The following RRAS2 variants were observed in gnomAD, a reference collection of about 807,000 sequenced individuals.
RRAS2 encodes the protein ras-related protein R-Ras2.
In RRAS2, 7 loss-of-function variants were observed where a neutral mutation model predicts 27.6. The observed-to-expected ratio is 0.25, with a 90% CI of 0.14 to 0.48. The LOEUF (loss-of-function observed/expected upper bound fraction) is 0.48, where lower values mean the gene tolerates loss of function less well. Ranked by LOEUF, RRAS2 falls within the 20% of genes least tolerant of loss-of-function variation. The pLI, the probability that RRAS2 is intolerant of heterozygous loss-of-function variation, is 0.99. For synonymous variants in RRAS2, 86 were observed against 90.9 expected, an observed-to-expected ratio of 0.95 and a Z score of 0.31; for missense variants, 178 against 256.2, an observed-to-expected ratio of 0.69 and a Z score of 2.08.
At chr11:14,281,771 T>C (rs1450433885) in intron 4 of RRAS2, 51 bp from the exon 5 acceptor site, 1 of 1,443,604 alleles carries the variant, frequency 6.9e-7, no homozygotes, top group African/African-American at 1.4e-5. Context: ...ACTGGATTTG[T>C]TCCATCTAAT....
chr11:14,328,181 A>G (rs1054548673), intron 1 of RRAS2, among the ~76,000 whole-genome samples: 6 of 152,100 alleles, frequency 3.9e-5, no homozygotes, highest in African/African-American at 1.4e-4. Context: ...CAGCCTGACC[A>G]ACATGGAGAA....
intron 4 of RRAS2, among the ~76,000 whole-genome samples, chr11:14,292,923 T>A (rs1312208653): frequency 1.3e-5 from 2 of 151,428 alleles, no homozygotes; most frequent in Non-Finnish European, 2.9e-5. Context: ...CTGGCTAACA[T>A]GGTGAAACCC....
chr11:14,311,325 C>G (rs527486370), intron 1 of RRAS2, among the ~76,000 whole-genome samples: 72 of 152,280 alleles, frequency 4.7e-4, no homozygotes, highest in African/African-American at 1.7e-3. Flanking sequence ...CCAGCTTGGG[C>G]AACAGAGCGA....
intron 1 of RRAS2, among the ~76,000 whole-genome samples, chr11:14,343,490 T>G (rs1036167455): frequency 3.9e-5 from 6 of 152,184 alleles, no homozygotes; most frequent in Non-Finnish European, 8.8e-5. Context: ...GCAGTGGTTA[T>G]CAGAAATTTT....
At chr11:14,340,159 C>T (rs1372252231) in intron 1 of RRAS2, among the ~76,000 whole-genome samples, 1 of 139,218 alleles carries the variant, frequency 7.2e-6, no homozygotes, top group African/African-American at 2.5e-5. Context: ...AGTGTAGTGG[C>T]GCGACCTCGG....
At chr11:14,290,261 A>T (rs1198485870) in intron 4 of RRAS2, among the ~76,000 whole-genome samples, 1 of 152,206 alleles carries the variant, frequency 6.6e-6, no homozygotes, top group Non-Finnish European at 1.5e-5. Flanking sequence ...CAGCCTGGCC[A>T]ACATGGTGAA....
chr11:14,355,992 A>C (rs1554955369), intron 1 of RRAS2, among the ~76,000 whole-genome samples: 1 of 152,234 alleles, frequency 6.6e-6, no homozygotes, highest in Non-Finnish European at 1.5e-5. Flanking sequence ...AAATGTATGC[A>C]GCTTTACTAC....
chr11:14,306,097 AC>A (rs1330204378), intron 1 of RRAS2, among the ~76,000 whole-genome samples: 2 of 149,822 alleles, frequency 1.3e-5, no homozygotes, highest in Non-Finnish European at 3.0e-5. Flanking sequence ...TACAACAGAC[AC>A]CCTACGGATG....
At chr11:14,298,114 C>T (rs1847604710) in intron 1 of RRAS2, among the ~76,000 whole-genome samples, 1 of 151,966 alleles carries the variant, frequency 6.6e-6, no homozygotes, top group South Asian at 2.1e-4. Flanking sequence ...TTTTAAACAA[C>T]AGGAATCAGC....
At chr11:14,341,565 TTTTA>T (rs1359231210) in intron 1 of RRAS2, among the ~76,000 whole-genome samples, 1 of 152,002 alleles carries the variant, frequency 6.6e-6, no homozygotes, top group African/African-American at 2.4e-5. Context: ...TGTACTCAAG[TTTTA>T]TTTGTTGTTT....
In RRAS2 at chr11:14,324,427, CAAAAAAAA is replaced by C. The variant is rs77185501; in HGVS notation, c.109-28580_109-28573del. ...AAATAATTAAGCTTTAAACAGAGGCCAAAAAAAAAAAAAAAAAGGAAAACGTATATGAG... is the reference window on the plus strand; with the variant it reads ...AAATAATTAAGCTTTAAACAGAGGCCAAAAAAAAAGGAAAACGTATATGAG... On this transcript the variant is annotated intron_variant, in intron 1 of 5. Coordinates refer to ENST00000256196, the MANE Select transcript of RRAS2 (RefSeq NM_012250.6). Among the ~76,000 whole-genome samples the C allele has an allele frequency of 4.3e-4, 39 of 90,534 alleles. No homozygotes were observed. In the East Asian group the frequency reaches 5.3e-3, roughly 12 times the overall value. 59.4% of individuals were successfully genotyped at this position (90,534 alleles called of 152,430 possible).
intron 1 of RRAS2, among the ~76,000 whole-genome samples, chr11:14,355,341 A>G (rs1345861505): frequency 6.6e-6 from 1 of 152,152 alleles, no homozygotes; most frequent in African/African-American, 2.4e-5. Context: ...ACCACTCTGT[A>G]CCATCCTGAA....
At chr11:14,344,036 G>A (rs1050650596) in intron 1 of RRAS2, among the ~76,000 whole-genome samples, 2 of 152,024 alleles carry the variant, frequency 1.3e-5, no homozygotes, top group Non-Finnish European at 2.9e-5. Flanking sequence ...CCAGTTACTG[G>A]AGAGGCTGAG....
intron 1 of RRAS2, among the ~76,000 whole-genome samples, chr11:14,312,017 A>G (rs1277843990): frequency 1.3e-5 from 2 of 152,026 alleles, no homozygotes; most frequent in Non-Finnish European, 2.9e-5. Context: ...GGCACCTGCC[A>G]CCACACCTGG....
chr11:14,323,383 G>A (rs1250990278), intron 1 of RRAS2, among the ~76,000 whole-genome samples: 1 of 152,036 alleles, frequency 6.6e-6, no homozygotes, highest in Non-Finnish European at 1.5e-5. Context: ...GCTTGAGCCT[G>A]GGAGGTGGAT....
At chr11:14,322,850 T>A (rs544923483) in intron 1 of RRAS2, among the ~76,000 whole-genome samples, 1 of 151,748 alleles carries the variant, frequency 6.6e-6, no homozygotes, top group Non-Finnish European at 1.5e-5. Flanking sequence ...ATCAATCCAA[T>A]CAAGACAAAT....
intron 1 of RRAS2, among the ~76,000 whole-genome samples, chr11:14,299,931 C>T (rs963373380): frequency 2.0e-5 from 3 of 152,204 alleles, no homozygotes; most frequent in Non-Finnish European, 4.4e-5. Flanking sequence ...CACTTATCAA[C>T]ACAGCCTCAG....
intron 1 of RRAS2, among the ~76,000 whole-genome samples, chr11:14,345,954 A>G (rs1450946352): frequency 6.6e-6 from 1 of 151,968 alleles, no homozygotes; most frequent in African/African-American, 2.4e-5. Context: ...CAAGAAAAAC[A>G]AATATATTCT....
chr11:14,360,999 G>A (rs922058332), upstream of RRAS2, among the ~76,000 whole-genome samples: 1 of 150,996 alleles, frequency 6.6e-6, no homozygotes, highest in African/African-American at 2.4e-5. Context: ...AAAATCATGA[G>A]CAAAATAAAA....
Sources: gnomAD v4.1 joint callset for allele counts (sites outside exome capture counted in the v4.1 genomes callset) on GRCh38, gnomAD v4.1.1 for gene constraint, MANE v1.5 for transcripts, NCBI Gene and HGNC (gene_info 2026-07-23, HGNC 2026-07-21) for gene names.